Variants in EYS observed in about 807,000 individuals in gnomAD.
The protein encoded by EYS is EGF-like photoreceptor maintenance factor.
In EYS, 250 loss-of-function variants were observed where a neutral mutation model predicts 282.1. That is an observed-to-expected ratio of 0.89 (90% CI 0.80 to 0.98). The LOEUF (loss-of-function observed/expected upper bound fraction) is 0.98, where lower values mean the gene tolerates loss of function less well. Ranked by LOEUF, EYS falls within the 50% of genes least tolerant of loss-of-function variation. EYS has a pLI of 0.00. For missense variants in EYS, 4,016 were observed against 3,709.0 expected, an observed-to-expected ratio of 1.08 and a Z score of -2.15; for synonymous variants, 1,355 against 1,282.9, an observed-to-expected ratio of 1.06 and a Z score of -1.20.
At chr6:64,217,967 ATC>A (rs1451743705) in intron 31 of EYS, among the ~76,000 whole-genome samples, 9 of 152,302 alleles carry the variant, frequency 5.9e-5, no homozygotes, top group African/African-American at 2.2e-4. Context: ...GTTTGTAGGA[ATC>A]TCTGTTGTTG....
intron 31 of EYS, among the ~76,000 whole-genome samples, chr6:64,141,933 T>A (rs1277504170): frequency 6.6e-6 from 1 of 152,126 alleles, no homozygotes; most frequent in Non-Finnish European, 1.5e-5. Flanking sequence ...CCCTTCATAA[T>A]CCCATGTCAA....
intron 4 of EYS, among the ~76,000 whole-genome samples, chr6:65,492,160 C>T (rs188487520): frequency 3.9e-5 from 6 of 152,130 alleles, no homozygotes; most frequent in African/African-American, 7.2e-5. Flanking sequence ...TTATCTTCTT[C>T]GATTTTTAAA....
intron 12 of EYS, among the ~76,000 whole-genome samples, chr6:65,151,195 T>C (rs1214511339): frequency 6.6e-6 from 1 of 152,024 alleles, no homozygotes; most frequent in Non-Finnish European, 1.5e-5. Flanking sequence ...CAAAATCACA[T>C]GCAGACATTC....
At chr6:65,043,921 A>C (rs1773019336) in intron 13 of EYS, among the ~76,000 whole-genome samples, 1 of 151,674 alleles carries the variant, frequency 6.6e-6, no homozygotes. Context: ...ATTTGATCAT[A>C]TGCTAGTTAT....
intron 1 of EYS, among the ~76,000 whole-genome samples, chr6:65,650,242 T>G (rs914174814): frequency 6.6e-6 from 1 of 152,196 alleles, no homozygotes; most frequent in African/African-American, 2.4e-5. Flanking sequence ...ACATTAGCCC[T>G]TTGTTACATA....
At chr6:63,753,633 G>A (rs1054548170) in intron 41 of EYS, among the ~76,000 whole-genome samples, 2 of 152,040 alleles carry the variant, frequency 1.3e-5, no homozygotes, top group Non-Finnish European at 2.9e-5. Context: ...ATAGCATGGG[G>A]AAAACTGCCC....
intron 12 of EYS, among the ~76,000 whole-genome samples, chr6:65,284,908 A>C (rs746841994): frequency 2.0e-4 from 30 of 152,078 alleles, no homozygotes; most frequent in Non-Finnish European, 2.9e-4. Context: ...TCATGTAACA[A>C]GAGGTATTCT....
intron 5 of EYS, among the ~76,000 whole-genome samples, chr6:65,429,989 CA>C (rs1299681032): frequency 1.3e-5 from 2 of 152,108 alleles, no homozygotes; most frequent in Non-Finnish European, 2.9e-5. Flanking sequence ...CAGATAGTAG[CA>C]TTATTATTCC....
intron 2 of EYS, among the ~76,000 whole-genome samples, chr6:65,569,628 C>A (rs532462194): frequency 6.6e-6 from 1 of 152,212 alleles, no homozygotes; most frequent in Admixed American, 6.5e-5. Flanking sequence ...ACTCTGCACT[C>A]AGTGGATCAG....
At chr6:64,685,281 G>T (rs1178190719) in intron 22 of EYS, among the ~76,000 whole-genome samples, 1 of 128,142 alleles carries the variant, frequency 7.8e-6, no homozygotes, top group Middle Eastern at 4.3e-3. Flanking sequence ...ACATTTCAAA[G>T]ATTCTTTATA....
chr6:63,846,038 G>A (rs572723691), intron 36 of EYS, among the ~76,000 whole-genome samples: 1 of 152,242 alleles, frequency 6.6e-6, no homozygotes, highest in African/African-American at 2.4e-5. Flanking sequence ...AGGTTTAATG[G>A]CAGTAAGAAA....
intron 12 of EYS, among the ~76,000 whole-genome samples, chr6:65,235,758 A>C (rs1414347299): frequency 6.6e-6 from 1 of 152,170 alleles, no homozygotes; most frequent in Non-Finnish European, 1.5e-5. Flanking sequence ...CTCTTAAGTA[A>C]CAAAGCAAAA....
At chr6:64,058,125 A>T (rs1314753748) in intron 33 of EYS, among the ~76,000 whole-genome samples, 1 of 152,046 alleles carries the variant, frequency 6.6e-6, no homozygotes, top group Non-Finnish European at 1.5e-5. Flanking sequence ...GTCTCAGGAG[A>T]TCTGATGGTT....
chr6:65,397,320 G>C (rs949002357), intron 7 of EYS, among the ~76,000 whole-genome samples: 1 of 151,684 alleles, frequency 6.6e-6, no homozygotes, highest in Non-Finnish European at 1.5e-5. Flanking sequence ...CCCATAACCC[G>C]AATAGTGAAC....
At chr6:64,230,876 A>G (rs1766407380) in intron 30 of EYS, 52 bp from the exon 31 acceptor site, 1 of 1,078,864 alleles carries the variant, frequency 9.3e-7, no homozygotes, top group Non-Finnish European at 1.3e-6. Context: ...AGCACTAGGA[A>G]CATAAATAGA....
intron 31 of EYS, among the ~76,000 whole-genome samples, chr6:64,086,486 T>G (rs983363380): frequency 6.6e-6 from 1 of 152,182 alleles, no homozygotes; most frequent in East Asian, 1.9e-4. Flanking sequence ...TTTTTAGTGC[T>G]TCTACACATA....
At chr6:65,065,963 G>A (rs1411855073) in intron 12 of EYS, among the ~76,000 whole-genome samples, 2 of 152,148 alleles carry the variant, frequency 1.3e-5, no homozygotes, top group Non-Finnish European at 1.5e-5. Context: ...CAACTGAATG[G>A]CCCTCCTGCA....
chr6:65,075,096 T>A (rs1774007433), intron 12 of EYS, among the ~76,000 whole-genome samples: 1 of 152,076 alleles, frequency 6.6e-6, no homozygotes, highest in Non-Finnish European at 1.5e-5. Context: ...CTACTTGTTA[T>A]CTTCAGTATA....
chr6:63,786,876 A>G (rs1240103667), intron 39 of EYS, among the ~76,000 whole-genome samples: 1 of 152,160 alleles, frequency 6.6e-6, no homozygotes, highest in Non-Finnish European at 1.5e-5. Flanking sequence ...AGTAGAGATC[A>G]GCTTTGGGAA....
Sources: allele counts gnomAD v4.1 joint callset (sites outside exome capture counted in the v4.1 genomes callset), GRCh38; gene constraint gnomAD v4.1.1; transcripts MANE v1.5; gene names NCBI Gene and HGNC (gene_info 2026-07-23, HGNC 2026-07-21).